CNTNAP4: variants seen among roughly 807,000 people sequenced by gnomAD.
CNTNAP4 encodes the protein contactin-associated protein-like 4.
Under a neutral mutation model 148.4 loss-of-function variants are expected in CNTNAP4, and 98 were observed. That is an observed-to-expected ratio of 0.66 (90% CI 0.56 to 0.78). The LOEUF is 0.78. Among genes scored for constraint, CNTNAP4 ranks in the 30% least tolerant of loss-of-function variants. The pLI is 0.00. For synonymous variants in CNTNAP4, 730 were observed against 565.1 expected, an observed-to-expected ratio of 1.29 and a Z score of -4.14; for missense variants, 1,935 against 1,565.6, an observed-to-expected ratio of 1.24 and a Z score of -3.98.
At chr16:76,533,437 A>G (rs570313624) in intron 17 of CNTNAP4, among the ~76,000 whole-genome samples, 99 of 152,308 alleles carry the variant, frequency 6.5e-4, no homozygotes, top group African/African-American at 2.3e-3. Flanking sequence ...GAATGACTAT[A>G]GTTTACAATA....
At chr16:76,426,869 A>G (rs533012631) in intron 3 of CNTNAP4, among the ~76,000 whole-genome samples, 11 of 152,082 alleles carry the variant, frequency 7.2e-5, no homozygotes, top group Non-Finnish European at 1.5e-4. Flanking sequence ...ATTGCTTCCA[A>G]TTTCCCTTCA....
At chr16:76,284,982 C>T (rs994858240) in intron 1 of CNTNAP4, among the ~76,000 whole-genome samples, 3 of 151,940 alleles carry the variant, frequency 2.0e-5, no homozygotes, top group African/African-American at 7.3e-5. Flanking sequence ...TTGTTAGGGT[C>T]TTCATAGTTA....
chr16:76,346,862 C>T (rs1055613692), intron 2 of CNTNAP4, among the ~76,000 whole-genome samples: 2 of 152,028 alleles, frequency 1.3e-5, no homozygotes, highest in Admixed American at 6.6e-5. Context: ...CAAAGCACTG[C>T]ATTATTAAAG....
rs1332697042 is a variant in CNTNAP4, at chr16:76,467,523, G to T, written c.1655G>T (p.Arg552Met). The part of the protein sequence containing the change: ...LQIDSCGISD[R>M]CLPNYCEHGG... Reference sequence around the variant, plus strand: ...ATAGACTCATGTGGCATCTCAGACAGGTAAGGGCAATCTCACTTCATTTTG... The same window carrying T: ...ATAGACTCATGTGGCATCTCAGACATGTAAGGGCAATCTCACTTCATTTTG... The change falls in exon 10 of 24, where the codon AGG becomes ATG. Residue 552 changes from arginine (R) to methionine (M), a missense_variant and splice_region_variant. Arg to Met is a moderately conservative substitution (Grantham distance 91). Transcript: ENST00000611870. 1 of 1,596,548 alleles carries T rather than the reference G, an allele frequency of 6.3e-7. No individual in the cohort carries two copies. Among genetic ancestry groups the T allele is most frequent in the East Asian group, 2.3e-5 (1 of 44,304 alleles).
chr16:76,554,152 A>G (rs1293355653), intron 23 of CNTNAP4, among the ~76,000 whole-genome samples: 1 of 152,206 alleles, frequency 6.6e-6, no homozygotes, highest in Non-Finnish European at 1.5e-5. Context: ...GCACTCAAAG[A>G]TTAATTGCTA....
rs143225992 is a variant in CNTNAP4, at chr16:76,539,849, A to G, written c.3351A>G (p.Ile1117Met). 1,652 of 1,584,770 alleles carry G rather than the reference A, an allele frequency of 1.0e-3. 31 individuals carry two copies. In the South Asian group the frequency reaches 0.015, roughly 15 times the overall value. The change falls in exon 20 of 24, where the codon ATA becomes ATG. Residue 1117 changes from isoleucine to methionine, a missense_variant. Ile to Met is a conservative substitution (Grantham distance 10). Coordinates refer to ENST00000611870, the MANE Select transcript of CNTNAP4 (RefSeq NM_033401.5). ...MINREEGVVF[I>M]EIDDNRRRQV... ...ACAGAGAAGAAGGAGTGGTCTTTAT[A>G]GAGGTAATGTAGTAAATTCAGCAGA...
rs1346140779 is a variant in CNTNAP4 at position 76,495,158 on chromosome 16, G to C, written c.2237+92G>C. On this transcript the variant is annotated intron_variant, in intron 14 of 23. Transcript: ENST00000611870. Reference sequence around the variant, plus strand: ...GTATAGCTAGCCAGATACTGAACAAGTTAGTGCAATGAAGTAATTAAATAA... The same window carrying C: ...GTATAGCTAGCCAGATACTGAACAACTTAGTGCAATGAAGTAATTAAATAA... 13 of 1,322,582 alleles carry C rather than the reference G, an allele frequency of 9.8e-6. No individual in the cohort carries two copies. The East Asian group carries it at 1.6e-4, about 17-fold the overall frequency. The allele number at this position is 1,322,582 out of a possible 1,614,324, so 81.9% of individuals were successfully genotyped here.
intron 1 of CNTNAP4, among the ~76,000 whole-genome samples, chr16:76,307,140 A>T (rs1810470572): frequency 6.6e-6 from 1 of 152,230 alleles, no homozygotes; most frequent in South Asian, 2.1e-4. Context: ...ATAAAAACAG[A>T]AAAAGCAACT....
At chr16:76,491,392 TAATG>T (rs1225160539) in intron 13 of CNTNAP4, among the ~76,000 whole-genome samples, 17 of 152,178 alleles carry the variant, frequency 1.1e-4, no homozygotes, top group Non-Finnish European at 2.4e-4. Flanking sequence ...GACGAATGGT[TAATG>T]AATCTCAGTC....
At chr16:76,446,661 G>A (rs1289706621) in intron 4 of CNTNAP4, among the ~76,000 whole-genome samples, 1 of 152,100 alleles carries the variant, frequency 6.6e-6, no homozygotes, top group Non-Finnish European at 1.5e-5. Flanking sequence ...TTAAGTCAGG[G>A]TCTTTCCAAC....
intron 3 of CNTNAP4, among the ~76,000 whole-genome samples, chr16:76,415,923 ACT>A (rs1179952170): frequency 1.3e-5 from 1 of 74,898 alleles, no homozygotes; most frequent in African/African-American, 3.5e-5. Flanking sequence ...GTATAGATAT[ACT>A]GTTTGTTTTT....
Position 76,522,610 on chromosome 16 carries a change from TTTCC to T in CNTNAP4, c.2755+377_2755+380del, listed in dbSNP as rs764499941. On this transcript the variant is annotated intron_variant, in intron 17 of 23. Transcript: ENST00000611870. ...TCTCTCTCTCTCTTTCTTTTCTTTA[TTTCC>T]TTCCTTCCTTCCTTCCTTCCTTCTT... is the stretch of plus-strand genomic sequence containing the variant. Among the ~76,000 whole-genome samples the T allele has an allele frequency of 4.1e-3, 245 of 59,652 alleles. 19 individuals are homozygous for T. Among genetic ancestry groups the T allele is most frequent in the South Asian group, 0.026 (52 of 2,038 alleles). 39.1% of individuals were successfully genotyped at this position (59,652 alleles called of 152,430 possible).
intron 3 of CNTNAP4, among the ~76,000 whole-genome samples, chr16:76,356,118 A>G (rs924028623): frequency 6.6e-6 from 1 of 150,818 alleles, no homozygotes. Context: ...CAAGCAGTCC[A>G]CCTGTCTCGG....
At chr16:76,329,073 G>C (rs1316016826) in intron 2 of CNTNAP4, among the ~76,000 whole-genome samples, 1 of 152,172 alleles carries the variant, frequency 6.6e-6, no homozygotes, top group Non-Finnish European at 1.5e-5. Flanking sequence ...AAATACTTCA[G>C]CTTTGTTAGT....
chr16:76,466,128 G>A (rs1392520275), intron 9 of CNTNAP4, among the ~76,000 whole-genome samples: 2 of 152,088 alleles, frequency 1.3e-5, no homozygotes, highest in Non-Finnish European at 2.9e-5. Flanking sequence ...TCTCCGTTCC[G>A]TGGGTTCAAT....
rs80011648 is a variant in CNTNAP4, at chr16:76,539,412, A to C, written c.3221-307A>C. Among the ~76,000 whole-genome samples, 206 of 152,206 alleles carry C rather than the reference A, an allele frequency of 1.4e-3. 3 individuals are homozygous for C. In the East Asian group the frequency reaches 0.032, roughly 24 times the overall value. On this transcript the variant is annotated intron_variant, in intron 19 of 23. Coordinates refer to ENST00000611870, the MANE Select transcript of CNTNAP4 (RefSeq NM_033401.5). ...ATTAAGCAATAGGTTGGCATTTCAG[A>C]AATACTTAATATTATTTTTTAAGTG...
intron 3 of CNTNAP4, among the ~76,000 whole-genome samples, chr16:76,422,434 G>T (rs1210502787): frequency 6.6e-6 from 1 of 152,158 alleles, no homozygotes; most frequent in Non-Finnish European, 1.5e-5. Flanking sequence ...ATAAAAGTCA[G>T]CTGGTGGAGC....
At chr16:76,327,738 G>T (rs775006858) in intron 2 of CNTNAP4, among the ~76,000 whole-genome samples, 3 of 152,202 alleles carry the variant, frequency 2.0e-5, no homozygotes, top group Admixed American at 2.0e-4. Context: ...GTGCCTGCCT[G>T]TGAGGCTAAA....
chr16:76,547,938 TTTAATTA>T (rs1240712087), intron 21 of CNTNAP4, among the ~76,000 whole-genome samples: 2 of 152,116 alleles, frequency 1.3e-5, no homozygotes, highest in Non-Finnish European at 2.9e-5. Context: ...AAAAAGAAAG[TTTAATTA>T]GCTTACCTAA....
Sources: allele counts gnomAD v4.1 joint callset (sites outside exome capture counted in the v4.1 genomes callset), GRCh38; gene constraint gnomAD v4.1.1; transcripts MANE v1.5; gene names NCBI Gene and HGNC (gene_info 2026-07-23, HGNC 2026-07-21).